Variants in GABRA5 observed in about 807,000 individuals in gnomAD.
GABRA5 encodes the protein gamma-aminobutyric acid receptor subunit alpha-5.
In GABRA5, 18 loss-of-function variants were observed where a neutral mutation model predicts 47.3. The observed-to-expected ratio is 0.38, with a 90% confidence interval of 0.26 to 0.56. GABRA5 has a LOEUF of 0.56. Among genes scored for constraint, GABRA5 ranks in the 20% least tolerant of loss-of-function variants. GABRA5 has a pLI of 0.71. For synonymous variants in GABRA5, 237 were observed against 229.3 expected, an observed-to-expected ratio of 1.03 and a Z score of -0.30; for missense variants, 365 against 599.3, an observed-to-expected ratio of 0.61 and a Z score of 4.08.
Position 26,930,006 on chromosome 15 carries a change from C to CTTTTTTTTTTT in GABRA5, c.581-7173_581-7163dup, listed in dbSNP as rs72082419. On this transcript the variant is annotated intron_variant, in intron 7 of 10. Transcript: ENST00000335625. ...CTTTCTTCTTCTTCTTCTTCTTCTTCTTTTTTTTTTTTTTTTGTTTTTTGT... is the reference window on the plus strand; with the variant it reads ...CTTTCTTCTTCTTCTTCTTCTTCTTCTTTTTTTTTTTTTTTTTTTTTTTTTTTGTTTTTTGT... Among the ~76,000 whole-genome samples, 381 of 113,284 alleles carry CTTTTTTTTTTT rather than the reference C, an allele frequency of 3.4e-3. 10 individuals carry two copies. In the East Asian group the frequency reaches 0.073, roughly 22 times the overall value. 74.3% of individuals were successfully genotyped at this position (113,284 alleles called of 152,430 possible).
chr15:26,898,795 G>A (rs769381253), intron 6 of GABRA5, among the ~76,000 whole-genome samples: 5 of 149,388 alleles, frequency 3.3e-5, no homozygotes, highest in African/African-American at 5.0e-5. Context: ...AGTTGAAATC[G>A]TTTTTCGTTT....
chr15:26,912,239 A>G (rs1036420502), intron 6 of GABRA5, among the ~76,000 whole-genome samples: 1 of 152,192 alleles, frequency 6.6e-6, no homozygotes, highest in African/African-American at 2.4e-5. Context: ...CTTTGTATAT[A>G]CTTCCTATTT....
intron 6 of GABRA5, among the ~76,000 whole-genome samples, chr15:26,895,531 G>A (rs1159333829): frequency 6.6e-6 from 1 of 152,038 alleles, no homozygotes; most frequent in South Asian, 2.1e-4. Context: ...ATATAAATGA[G>A]GCTGGGCGCG....
rs559960558 is a variant in GABRA5, at chr15:26,922,652, G to A, written c.580+7767G>A. On this transcript the variant is annotated intron_variant, in intron 7 of 10. Transcript: ENST00000335625. ...TTTATTTCTTTGTTTTCTTTTGTCT[G>A]TCTTACTGTGGACATTTTTTACTAT... Among the ~76,000 whole-genome samples the A allele has an allele frequency of 6.6e-5, 10 of 151,234 alleles. 1 individual carries two copies. The highest frequency in any genetic ancestry group is 8.8e-5 in the Non-Finnish European group (6 of 67,800).
chr15:26,939,314 C>T (rs1894327416), intron 8 of GABRA5: 4 of 765,174 alleles, frequency 5.2e-6, no homozygotes, highest in Non-Finnish European at 9.6e-6. Context: ...CCAGGCAAAT[C>T]CAGAGAAGGC....
At chr15:26,934,318 T>C (rs1894185225) in intron 7 of GABRA5, among the ~76,000 whole-genome samples, 1 of 150,124 alleles carries the variant, frequency 6.7e-6, no homozygotes, top group Non-Finnish European at 1.5e-5. Flanking sequence ...CCTAGAGATA[T>C]GGGTTTAGAT....
At chr15:26,891,821 A>G (rs548844160) in intron 6 of GABRA5, among the ~76,000 whole-genome samples, 1 of 152,294 alleles carries the variant, frequency 6.6e-6, no homozygotes, top group South Asian at 2.1e-4. Context: ...TGCTGCAGGC[A>G]TCCCTCCCCT....
At chr15:26,911,066 T>C (rs911982584) in intron 6 of GABRA5, among the ~76,000 whole-genome samples, 1 of 152,200 alleles carries the variant, frequency 6.6e-6, no homozygotes, top group African/African-American at 2.4e-5. Flanking sequence ...ATTTATTTCC[T>C]GACTGAGGCT....
intron 6 of GABRA5, among the ~76,000 whole-genome samples, chr15:26,906,662 TTTTGTGGA>T (rs1893451710): frequency 6.6e-6 from 1 of 152,204 alleles, no homozygotes; most frequent in Non-Finnish European, 1.5e-5. Context: ...AAAGAACCTT[TTTTGTGGA>T]TTTGTGCTGT....
Position 26,943,362 on chromosome 15 carries a change from A to G in GABRA5, c.1025A>G (p.Asn342Ser). ...FSALIEFATV[N>S]YFTKRGWAWD... ...GCGCTGATAGAGTTTGCCACGGTCAATTACTTTACCAAGAGAGGCTGGGCC... is the reference window on the plus strand; with the variant it reads ...GCGCTGATAGAGTTTGCCACGGTCAGTTACTTTACCAAGAGAGGCTGGGCC... Residue 342 changes from asparagine to serine, a missense_variant, in exon 10 of 11, where the codon AAT (asparagine) becomes AGT (serine). Around this residue, in one of 3 missense-constraint regions of GABRA5, gnomAD observed 43 missense variants for 133.7 expected, o/e 0.32. Coordinates refer to ENST00000335625, the MANE Select transcript of GABRA5 (RefSeq NM_000810.4). 1 of 1,600,114 alleles carries G rather than the reference A, an allele frequency of 6.2e-7. No homozygotes were observed. Among genetic ancestry groups the G allele is most frequent in the Non-Finnish European group, 8.5e-7 (1 of 1,173,332 alleles).
chr15:26,878,537 T>C (rs540215218), intron 3 of GABRA5, among the ~76,000 whole-genome samples: 1 of 152,298 alleles, frequency 6.6e-6, no homozygotes, highest in East Asian at 1.9e-4. Context: ...CCTCTGCTCC[T>C]ACCCCGATAG....
intron 7 of GABRA5, among the ~76,000 whole-genome samples, chr15:26,919,932 C>T (rs376641296): frequency 6.7e-6 from 1 of 148,900 alleles, no homozygotes; most frequent in South Asian, 2.2e-4. Context: ...TTATCATTCC[C>T]TGCTGTCCTG....
At chr15:26,873,930 A>T (rs988834727) in intron 3 of GABRA5, among the ~76,000 whole-genome samples, 1 of 152,214 alleles carries the variant, frequency 6.6e-6, no homozygotes, top group African/African-American at 2.4e-5. Flanking sequence ...AATGTCCAAC[A>T]TGTTTTTAAA....
intron 7 of GABRA5, among the ~76,000 whole-genome samples, chr15:26,931,814 T>C (rs1595431192): frequency 6.6e-6 from 1 of 152,038 alleles, no homozygotes. Context: ...TGTCAAGATA[T>C]TGAAACAAAG....
chr15:26,932,483 G>C (rs549845481), intron 7 of GABRA5, among the ~76,000 whole-genome samples: 2 of 152,324 alleles, frequency 1.3e-5, no homozygotes, highest in Admixed American at 1.3e-4. Flanking sequence ...TGGTGAGACT[G>C]TGGAGAAATA....
intron 7 of GABRA5, among the ~76,000 whole-genome samples, chr15:26,927,001 A>G (rs934436089): frequency 6.6e-6 from 1 of 152,210 alleles, no homozygotes; most frequent in Non-Finnish European, 1.5e-5. Context: ...GTCAAATAAA[A>G]TAAGATTCAT....
At chr15:26,926,621 C>T (rs563664880) in intron 7 of GABRA5, among the ~76,000 whole-genome samples, 5 of 152,248 alleles carry the variant, frequency 3.3e-5, no homozygotes, top group African/African-American at 1.2e-4. Context: ...TTGGGAATCA[C>T]TGATTGATGT....
chr15:26,897,305 C>T (rs1893221191), intron 6 of GABRA5, among the ~76,000 whole-genome samples: 1 of 152,020 alleles, frequency 6.6e-6, no homozygotes, highest in Non-Finnish European at 1.5e-5. Flanking sequence ...TAACTGGATC[C>T]TTATACAATG....
intron 6 of GABRA5, among the ~76,000 whole-genome samples, chr15:26,886,165 G>A (rs1366636405): frequency 1.3e-5 from 2 of 152,012 alleles, no homozygotes; most frequent in Non-Finnish European, 2.9e-5. Flanking sequence ...GATTACAGGC[G>A]TGTGCCACCA....
Sources: allele counts gnomAD v4.1 joint callset (sites outside exome capture counted in the v4.1 genomes callset), GRCh38; gene constraint gnomAD v4.1.1; regional missense constraint gnomAD v4.1.1; transcripts MANE v1.5; gene names NCBI Gene and HGNC (gene_info 2026-07-23, HGNC 2026-07-21).